The following ADRA1B variants were observed in gnomAD, a reference collection of about 807,000 sequenced individuals.
ADRA1B encodes the protein adrenoceptor alpha 1B, also known as alpha-1B adrenergic receptor.
A neutral mutation model predicts 17.9 loss-of-function variants in ADRA1B; 17 were observed. The ratio of observed to expected loss-of-function variants is 0.95; its 90% CI spans 0.65 to 1.42. The LOEUF (loss-of-function observed/expected upper bound fraction) is 1.42, where lower values mean the gene tolerates loss of function less well. ADRA1B is among the 40% of genes most tolerant of loss of function. The pLI, the probability that ADRA1B is intolerant of heterozygous loss-of-function variation, is 0.00. For synonymous variants in ADRA1B, 366 were observed against 327.6 expected (o/e 1.12, Z -1.27); for missense variants, 681 against 722.1 (o/e 0.94, Z 0.65).
intron 1 of ADRA1B, among the ~76,000 whole-genome samples, chr5:159,892,009 C>T (rs529227288): frequency 1.3e-5 from 2 of 152,290 alleles, no homozygotes; most frequent in East Asian, 1.9e-4. Flanking sequence ...GAGGCCGAGG[C>T]GGGCAGATCA....
At chr5:159,871,026 G>T (rs1753732897) in intron 1 of ADRA1B, 1 of 152,224 alleles carries the variant, frequency 6.6e-6, no homozygotes, top group Non-Finnish European at 1.5e-5. Context: ...GAAGACCATA[G>T]AAGAGGTGAG....
At chr5:159,986,370 G>A in the ADRA1B span, among the ~76,000 whole-genome samples, 4 of 152,212 alleles carry the variant, frequency 2.6e-5, no homozygotes, top group Non-Finnish European at 5.9e-5. Context: ...TGGGATTACA[G>A]GTGTAAGCCA....
rs539799809 is a variant in ADRA1B at position 159,865,691 on chromosome 5, G to A, written c.-256+485G>A. On this transcript the variant is annotated intron_variant, in intron 1 of 2. Transcript: ENST00000641205. ...TTTCCTGCTTGAAGAAATCCAGAAA[G>A]CCCCATTTTGTTCAAAAAATCCCTT... Among the ~76,000 whole-genome samples the A allele has an allele frequency of 2.0e-5, 3 of 152,220 alleles. No individual in the cohort carries two copies. The South Asian group carries it at 6.2e-4, about 32-fold the overall frequency.
chr5:159,925,991 C>T (rs762269983), intron 1 of ADRA1B, among the ~76,000 whole-genome samples: 1 of 152,204 alleles, frequency 6.6e-6, no homozygotes, highest in Non-Finnish European at 1.5e-5. Flanking sequence ...CTCGTGACTG[C>T]TCTTTCTCCT....
At chr5:159,978,615 T>C in the ADRA1B span, among the ~76,000 whole-genome samples, 1 of 152,202 alleles carries the variant, frequency 6.6e-6, no homozygotes, top group Non-Finnish European at 1.5e-5. Flanking sequence ...ACTCCAGCTT[T>C]TGTTCTCCCC....
intron 1 of ADRA1B, among the ~76,000 whole-genome samples, chr5:159,963,120 G>A (rs1355305456): frequency 6.7e-6 from 1 of 149,604 alleles, no homozygotes; most frequent in Non-Finnish European, 1.5e-5. Flanking sequence ...AGGAATTTGT[G>A]TTCATGGAGA....
intron 1 of ADRA1B, among the ~76,000 whole-genome samples, chr5:159,872,776 A>T (rs1437182363): frequency 2.6e-5 from 4 of 152,040 alleles, no homozygotes; most frequent in East Asian, 3.9e-4. Flanking sequence ...GGGCTTTTAT[A>T]AAAAAAATTC....
intron 1 of ADRA1B, among the ~76,000 whole-genome samples, chr5:159,901,972 A>G (rs1363452880): frequency 6.6e-6 from 1 of 152,246 alleles, no homozygotes; most frequent in Non-Finnish European, 1.5e-5. Flanking sequence ...TGGAACTACC[A>G]TATGATGCAA....
At chr5:159,939,497 TTCACAATTGGAA>T (rs1169100025) in intron 1 of ADRA1B, among the ~76,000 whole-genome samples, 1 of 152,020 alleles carries the variant, frequency 6.6e-6, no homozygotes, top group Non-Finnish European at 1.5e-5. Context: ...GAAAAGACTC[TTCACAATTGGAA>T]TCTAACCTAC....
intron 1 of ADRA1B, among the ~76,000 whole-genome samples, chr5:159,952,892 G>A (rs1184358159): frequency 6.6e-6 from 1 of 152,200 alleles, no homozygotes; most frequent in Admixed American, 6.5e-5. Context: ...CACTGCGTAA[G>A]AAGCCAGGCC....
At chr5:159,921,364 G>A (rs926355911) in intron 1 of ADRA1B, among the ~76,000 whole-genome samples, 4 of 152,212 alleles carry the variant, frequency 2.6e-5, no homozygotes, top group African/African-American at 9.6e-5. Flanking sequence ...ATAGAATATA[G>A]CAGTATTTCT....
intron 1 of ADRA1B, among the ~76,000 whole-genome samples, chr5:159,948,743 T>C (rs1755344815): frequency 6.6e-6 from 1 of 152,232 alleles, no homozygotes; most frequent in East Asian, 1.9e-4. Context: ...TATGTGTCAT[T>C]AAGCCAGTCA....
At chr5:159,979,024 C>T in the ADRA1B span, among the ~76,000 whole-genome samples, 1 of 152,158 alleles carries the variant, frequency 6.6e-6, no homozygotes. Flanking sequence ...GAAAGGGGAG[C>T]TTGTACAGTC....
intron 1 of ADRA1B, among the ~76,000 whole-genome samples, chr5:159,929,781 C>G (rs1001039267): frequency 2.0e-5 from 3 of 151,908 alleles, no homozygotes; most frequent in African/African-American, 7.3e-5. Flanking sequence ...CTGCTGTTAC[C>G]TACCCCACAT....
chr5:159,879,607 G>C (rs1387253651), intron 1 of ADRA1B, among the ~76,000 whole-genome samples: 1 of 152,156 alleles, frequency 6.6e-6, no homozygotes, highest in Non-Finnish European at 1.5e-5. Flanking sequence ...CTACCTGCAT[G>C]CTGTGTGCAT....
At chr5:159,931,321 G>T (rs1754796416) in intron 1 of ADRA1B, among the ~76,000 whole-genome samples, 1 of 151,110 alleles carries the variant, frequency 6.6e-6, no homozygotes. Context: ...TTGAGCCCAG[G>T]AGGTCAAGGG....
rs1379488148 is a variant in ADRA1B at position 159,917,729 on chromosome 5, C to T, written c.824C>T (p.Pro275Leu). 1.9e-6 allele frequency: 3 copies of T among 1,614,106 alleles called. No homozygotes were observed. The highest frequency in any genetic ancestry group is 2.5e-6 in the Non-Finnish European group (3 of 1,180,028). Residue 275 changes from proline to leucine, a missense_variant, in exon 1 of 2, where the codon CCC (proline) becomes CTC (leucine). By Grantham distance (98) the Pro-to-Leu change is moderately conservative. This residue lies in a region of ADRA1B where 424 missense variants were observed against 480.2 expected (regional missense o/e 0.88). Coordinates refer to ENST00000306675, the MANE Select transcript of ADRA1B (RefSeq NM_000679.4). Reference protein sequence around the residue: ...LSSTKAKGHNPRSSIAVKLFK... With the variant: ...LSSTKAKGHNLRSSIAVKLFK... ...AGTACCAAGGCCAAGGGCCACAACC[C>T]CAGGAGTTCCATAGCTGTCAAACTT...
intron 1 of ADRA1B, among the ~76,000 whole-genome samples, chr5:159,909,029 C>T (rs376843995): frequency 6.6e-6 from 1 of 152,146 alleles, no homozygotes; most frequent in East Asian, 1.9e-4. Context: ...CCTCTTTCTC[C>T]CCTCATCTTT....
intron 1 of ADRA1B, among the ~76,000 whole-genome samples, chr5:159,901,892 T>G (rs566627930): frequency 2.0e-5 from 3 of 152,314 alleles, no homozygotes; most frequent in Non-Finnish European, 2.9e-5. Flanking sequence ...CCTTGCACAC[T>G]GTTGGTGGGA....
Sources: allele counts gnomAD v4.1 joint callset (sites outside exome capture counted in the v4.1 genomes callset), GRCh38; gene constraint gnomAD v4.1.1; regional missense constraint gnomAD v4.1.1; transcripts MANE v1.5; gene names NCBI Gene and HGNC (gene_info 2026-07-23, HGNC 2026-07-21).